HMHB1: variants seen among roughly 807,000 people sequenced by gnomAD.
HMHB1 encodes minor histocompatibility protein HB-1.
Under a neutral mutation model 2.4 loss-of-function variants are expected in HMHB1, and 4 were observed. The observed-to-expected ratio is 1.65, with a 90% confidence interval of 0.81 to 3.77. The LOEUF (loss-of-function observed/expected upper bound fraction) is 3.77, where lower values mean the gene tolerates loss of function less well. HMHB1 is among the 30% of genes most tolerant of loss of function. The pLI, the probability that HMHB1 is intolerant of heterozygous loss-of-function variation, is 0.01. For synonymous variants in HMHB1, 22 were observed against 17.6 expected, an observed-to-expected ratio of 1.25 and a Z score of -0.63; for missense variants, 57 against 44.2, an observed-to-expected ratio of 1.29 and a Z score of -0.82.
chr5:143,812,161 C>A lies in HMHB1; in HGVS notation c.-107C>A. ...TGGTCCAATTCTGCAGATGAGGAAA[C>A]CACATCCCAGGAGGCCGAGGCGGCT... On this transcript the variant is annotated 5_prime_UTR_variant, in exon 1 of 2. Transcript: ENST00000289448. The A allele has an allele frequency of 1.1e-6, 1 of 950,910 alleles. No homozygotes were observed. The allele number at this position is 950,910 out of a possible 1,614,324, so 58.9% of individuals were successfully genotyped here.
At chr5:143,814,027 G>A (rs1378476059) in intron 1 of HMHB1, among the ~76,000 whole-genome samples, 2 of 152,042 alleles carry the variant, frequency 1.3e-5, no homozygotes, top group East Asian at 1.9e-4. Context: ...AAATTTCATA[G>A]CATCATTCTT....
intron 1 of HMHB1, among the ~76,000 whole-genome samples, chr5:143,817,813 A>G (rs1303005693): frequency 6.6e-6 from 1 of 152,198 alleles, no homozygotes; most frequent in African/African-American, 2.4e-5. Flanking sequence ...CATTTTCACA[A>G]TATTGATTTG....
At position 143,815,180 on chromosome 5, in the gene HMHB1, C is replaced by T. The variant is rs115430891; in HGVS notation, c.37+2876C>T. ...CTTTTCCCTAATTCTGTATTAGTTT[C>T]CTATTGTTGCTATACTGAATTACCA... On this transcript the variant is annotated intron_variant, in intron 1 of 1. Coordinates refer to ENST00000289448, the MANE Select transcript of HMHB1 (RefSeq NM_021182.3). Among the ~76,000 whole-genome samples the T allele has an allele frequency of 5.0e-3, 755 of 152,302 alleles. 4 individuals are homozygous for T. The highest frequency in any genetic ancestry group is 0.01 in the Middle Eastern group (3 of 294).
At chr5:143,814,966 C>A (rs1366591618) in intron 1 of HMHB1, among the ~76,000 whole-genome samples, 2 of 152,288 alleles carry the variant, frequency 1.3e-5, no homozygotes, top group South Asian at 2.1e-4. Flanking sequence ...TCCCGTCAAA[C>A]CTTTCTGTTG....
chr5:143,816,767 A>G (rs1031464578), intron 1 of HMHB1, among the ~76,000 whole-genome samples: 2 of 152,174 alleles, frequency 1.3e-5, no homozygotes, highest in Non-Finnish European at 2.9e-5. Context: ...TTAGTTCTTT[A>G]AAGAATCTTC....
At chr5:143,813,579 A>C (rs1050275295) in intron 1 of HMHB1, among the ~76,000 whole-genome samples, 1 of 152,218 alleles carries the variant, frequency 6.6e-6, no homozygotes, top group Non-Finnish European at 1.5e-5. Context: ...AACTGTTTCC[A>C]TCCTTGTTTC....
chr5:143,815,702 ATTT>A (rs570778720), intron 1 of HMHB1, among the ~76,000 whole-genome samples: 1 of 75,698 alleles, frequency 1.3e-5, no homozygotes, highest in Non-Finnish European at 3.0e-5. Context: ...TAATTTTTGT[ATTT>A]TTTTTTTTTT....
chr5:143,817,446 C>A (rs1474166382), intron 1 of HMHB1, among the ~76,000 whole-genome samples: 1 of 152,152 alleles, frequency 6.6e-6, no homozygotes, highest in African/African-American at 2.4e-5. Context: ...ATCCCACCAC[C>A]ATTTGTTGAC....
At chr5:143,812,743 CCACCATCAT>C (rs1759706055) in intron 1 of HMHB1, among the ~76,000 whole-genome samples, 1 of 152,144 alleles carries the variant, frequency 6.6e-6, no homozygotes, top group African/African-American at 2.4e-5. Context: ...CTTAGCATGG[CCACCATCAT>C]CACCATCATC....
chr5:143,813,086 G>T (rs1759711116), intron 1 of HMHB1, among the ~76,000 whole-genome samples: 2 of 152,238 alleles, frequency 1.3e-5, no homozygotes, highest in South Asian at 4.1e-4. Context: ...CCTGCAACTG[G>T]AGGTCACTCA....
At chr5:143,819,684 AC>A (rs1436918793) in intron 1 of HMHB1, among the ~76,000 whole-genome samples, 1 of 151,754 alleles carries the variant, frequency 6.6e-6, no homozygotes, top group Non-Finnish European at 1.5e-5. Context: ...CAATGGCAAT[AC>A]CCCATGTCTC....
Position 143,812,183 on chromosome 5 carries a change from G to A in HMHB1, c.-85G>A, listed in dbSNP as rs576337699. 908 of 1,299,578 alleles carry A rather than the reference G, an allele frequency of 7.0e-4. 13 individuals are homozygous for A. The South Asian group carries it at 0.011, about 16-fold the overall frequency. 80.5% of individuals were successfully genotyped at this position (1,299,578 alleles called of 1,614,324 possible). A position where few individuals can be genotyped will look rare whatever the true frequency, so the allele number is the denominator to read the frequency against. ...AAACCACATCCCAGGAGGCCGAGGC[G>A]GCTTGCCCCGCATCTCAGAAGCCGG... On this transcript the variant is annotated 5_prime_UTR_variant, in exon 1 of 2. Coordinates refer to ENST00000289448, the MANE Select transcript of HMHB1 (RefSeq NM_021182.3).
In HMHB1 at chr5:143,812,313, G is replaced by A. The variant is rs1288370065; in HGVS notation, c.37+9G>A. ...CAGAGAAGAAAAAAGAGGTGAGGGA[G>A]CGAGGAGGAGGGAGAACAGAGAGAG... is the stretch of plus-strand genomic sequence containing the variant. On this transcript the variant is annotated intron_variant, in intron 1 of 1. Coordinates refer to ENST00000289448, the MANE Select transcript of HMHB1 (RefSeq NM_021182.3). 2 of 1,551,246 alleles carry A rather than the reference G, an allele frequency of 1.3e-6. No homozygotes were observed. Among genetic ancestry groups the A allele is most frequent in the African/African-American group, 2.7e-5 (2 of 73,008 alleles).
intron 1 of HMHB1, among the ~76,000 whole-genome samples, chr5:143,818,059 T>C (rs73291477): frequency 0.022 from 3,309 of 152,294 alleles, 139 homozygotes; most frequent in African/African-American, 0.075. Context: ...TTATCAGAAA[T>C]TGACAAGTTA....
intron 1 of HMHB1, among the ~76,000 whole-genome samples, chr5:143,815,793 G>A (rs1759741497): frequency 6.7e-6 from 1 of 149,856 alleles, no homozygotes; most frequent in African/African-American, 2.5e-5. Context: ...TGCAAGCTCC[G>A]CTTCCCGGGT....
intron 1 of HMHB1, among the ~76,000 whole-genome samples, chr5:143,817,214 G>T (rs1488262310): frequency 6.6e-6 from 1 of 152,074 alleles, no homozygotes; most frequent in Non-Finnish European, 1.5e-5. Context: ...GTTTAATTAA[G>T]TCCCAGCTAT....
chr5:143,814,183 A>G (rs1032699950), intron 1 of HMHB1, among the ~76,000 whole-genome samples: 6 of 152,254 alleles, frequency 3.9e-5, no homozygotes, highest in Non-Finnish European at 7.3e-5. Flanking sequence ...ACAATAATCT[A>G]TAACCATGAC....
At chr5:143,818,919 A>G (rs79730642) in intron 1 of HMHB1, among the ~76,000 whole-genome samples, 3 of 152,210 alleles carry the variant, frequency 2.0e-5, no homozygotes, top group Non-Finnish European at 4.4e-5. Flanking sequence ...GGTCTGGTAC[A>G]AGGATAGAGG....
rs2126795237 is a variant in HMHB1, at chr5:143,820,623, A to G, written c.*55A>G. ...AGAGTTTTGGTGTGGATGAGCAGGG[A>G]CAAATTGCTGAGCATGAAGAAGAGT... On this transcript the variant is annotated 3_prime_UTR_variant, in exon 2 of 2. Transcript: ENST00000289448. The G allele has an allele frequency of 9.0e-7, 1 of 1,111,898 alleles. No homozygotes were observed. The highest frequency in any genetic ancestry group is 2.4e-5 in the East Asian group (1 of 42,348). 68.9% of individuals were successfully genotyped at this position (1,111,898 alleles called of 1,614,324 possible).
Sources: gnomAD v4.1 joint callset for allele counts (sites outside exome capture counted in the v4.1 genomes callset) on GRCh38, gnomAD v4.1.1 for gene constraint, MANE v1.5 for transcripts, NCBI Gene and HGNC (gene_info 2026-07-23, HGNC 2026-07-21) for gene names.